Variants in MTMR14 observed in about 807,000 individuals in gnomAD.
MTMR14 encodes the protein myotubularin related protein 14, also known as phosphatidylinositol-3,5-bisphosphate 3-phosphatase MTMR14.
Under a neutral mutation model 86.3 loss-of-function variants are expected in MTMR14, and 48 were observed. The ratio of observed to expected loss-of-function variants is 0.56; its 90% confidence interval spans 0.44 to 0.71. The LOEUF (loss-of-function observed/expected upper bound fraction) is 0.71. MTMR14 is among the 30% of genes least tolerant of loss of function. The pLI, the probability that MTMR14 is intolerant of heterozygous loss-of-function variation, is 0.00. For missense variants in MTMR14, 780 were observed against 834.6 expected, an observed-to-expected ratio of 0.93 and a Z score of 0.81; for synonymous variants, 366 against 326.1, an observed-to-expected ratio of 1.12 and a Z score of -1.32.
In MTMR14 at chr3:9,655,091, T is replaced by G. The variant is rs568555496; in HGVS notation, c.308+1322T>G. Among the ~76,000 whole-genome samples the G allele has an allele frequency of 2.0e-5, 3 of 152,246 alleles. No homozygotes were observed. The East Asian group carries it at 5.8e-4, about 30-fold the overall frequency. ...CCTAAGCACTTACTAAGATTATGGA[T>G]TCTCGGCCTGGCCTAGTGGCTCATG... is the stretch of plus-strand genomic sequence containing the variant. On this transcript the variant is annotated intron_variant, in intron 2 of 18. Transcript: ENST00000296003.
In MTMR14 at chr3:9,697,689, C is replaced by A. The variant is rs746226979; in HGVS notation, c.1614-22C>A. The A allele has an allele frequency of 2.5e-6, 4 of 1,611,188 alleles. No individual in the cohort carries two copies. The East Asian group carries it at 8.9e-5, about 36-fold the overall frequency. ...CATATGACTGACTGCATCCTCTCCC[C>A]TCTCTCTCCTCTCTGCCCCAGATCA... On this transcript the variant is annotated intron_variant, in intron 17 of 18. Coordinates refer to ENST00000296003, the MANE Select transcript of MTMR14 (RefSeq NM_001077525.3).
chr3:9,660,273 T>C lies in MTMR14; in HGVS notation c.309-1994T>C, dbSNP rs201081271. ...TACGGGCACTTTGCTTTTTTTTTTT[T>C]CCCCCAGACGGAGTCTCGCCCTTCG... On this transcript the variant is annotated intron_variant, in intron 2 of 18. Transcript: ENST00000296003. Among the ~76,000 whole-genome samples, 35 of 151,720 alleles carry C rather than the reference T, an allele frequency of 2.3e-4. No individual in the cohort carries two copies. The East Asian group carries it at 3.9e-3, about 17-fold the overall frequency.
At chr3:9,662,083 C>T (rs902849144) in intron 2 of MTMR14, among the ~76,000 whole-genome samples, 184 bp from the exon 3 acceptor site, 10 of 150,932 alleles carry the variant, frequency 6.6e-5, no homozygotes, top group African/African-American at 1.5e-4. Context: ...AGTGAAACTC[C>T]GTCTCAAAAA....
At chr3:9,673,182 A>AC (rs2048667054) in intron 7 of MTMR14, among the ~76,000 whole-genome samples, 1 of 152,180 alleles carries the variant, frequency 6.6e-6, no homozygotes, top group African/African-American at 2.4e-5. Flanking sequence ...AGTGGATGTC[A>AC]CCCTTTGGGT....
chr3:9,678,803 G>A (rs981823582), intron 9 of MTMR14, among the ~76,000 whole-genome samples: 4 of 152,162 alleles, frequency 2.6e-5, no homozygotes, highest in Non-Finnish European at 5.9e-5. Flanking sequence ...CATCCATCAT[G>A]GAATTTTCCA....
At chr3:9,694,663 CTG>C (rs2076232650) in intron 17 of MTMR14, among the ~76,000 whole-genome samples, 1 of 152,204 alleles carries the variant, frequency 6.6e-6, no homozygotes, top group Admixed American at 6.5e-5. Context: ...CCTGTAGGCT[CTG>C]TCATGGCACT....
intron 7 of MTMR14, among the ~76,000 whole-genome samples, chr3:9,674,606 C>T (rs1297227882): frequency 1.3e-5 from 2 of 151,372 alleles, no homozygotes; most frequent in Non-Finnish European, 2.9e-5. Context: ...TGGGAAACAG[C>T]GACACTCTGT....
intron 17 of MTMR14, among the ~76,000 whole-genome samples, 185 bp downstream of exon 17, chr3:9,690,328 A>G (rs2076099750): frequency 6.6e-6 from 1 of 152,190 alleles, no homozygotes; most frequent in African/African-American, 2.4e-5. Flanking sequence ...GAGTGGTTTG[A>G]GACTCCTTCC....
chr3:9,653,665 C>G lies in MTMR14; in HGVS notation c.204C>G (p.Asp68Glu). ...GATGTCTGGAGCTGTTTGGCCGAGA[C>G]TACTGTTTCAGCGTGATTCCAAACA... Reference protein sequence around the residue: ...EKRCLELFGRDYCFSVIPNTN... With the variant: ...EKRCLELFGREYCFSVIPNTN... Residue 68 changes from aspartate (D) to glutamate (E), a missense_variant, in exon 2 of 19, where the codon GAC (aspartate) becomes GAG (glutamate). Asp to Glu is a conservative substitution (Grantham distance 45). Transcript: ENST00000296003. 1 of 1,614,176 alleles carries G rather than the reference C, an allele frequency of 6.2e-7. No individual in the cohort carries two copies. The highest frequency in any genetic ancestry group is 1.1e-5 in the South Asian group (1 of 91,088).
rs2048385112 is a variant in MTMR14 at position 9,668,589 on chromosome 3, G to A, written c.418-130G>A. On this transcript the variant is annotated intron_variant, in intron 3 of 18. Coordinates refer to ENST00000296003, the MANE Select transcript of MTMR14 (RefSeq NM_001077525.3). ...GACTGATTGTGGCAGCCTTGATGCT[G>A]ATAAAACTTTGGGGAGTGCTCCTGG... 3.5e-6 allele frequency: 3 copies of A among 864,012 alleles called. No individual in the cohort carries two copies. The East Asian group carries it at 7.6e-5, about 22-fold the overall frequency. 53.5% of individuals were successfully genotyped at this position (864,012 alleles called of 1,614,324 possible). A position where few individuals can be genotyped will look rare whatever the true frequency, so the allele number is the denominator to read the frequency against.
intron 17 of MTMR14, among the ~76,000 whole-genome samples, chr3:9,694,385 G>A (rs1469064103): frequency 6.6e-6 from 1 of 152,166 alleles, no homozygotes; most frequent in Non-Finnish European, 1.5e-5. Flanking sequence ...GCTCATGTCT[G>A]TAATCCAGCA....
chr3:9,685,335 C>CAAGG, intron 13 of MTMR14, 88 bp downstream of exon 13: 7 of 1,515,494 alleles, frequency 4.6e-6, no homozygotes, highest in Non-Finnish European at 6.4e-6. Context: ...GTGTTAGGGG[C>CAAGG]AGCTCCTTGC....
At chr3:9,657,809 A>G (rs1003360504) in intron 2 of MTMR14, among the ~76,000 whole-genome samples, 13 of 152,092 alleles carry the variant, frequency 8.5e-5, no homozygotes, top group Admixed American at 4.6e-4. Flanking sequence ...TCGGCCTCCC[A>G]AAGTGCTGGG....
chr3:9,653,817 G>A, intron 2 of MTMR14, 48 bp downstream of exon 2: 3 of 1,612,818 alleles, frequency 1.9e-6, no homozygotes, highest in Non-Finnish European at 2.5e-6. Context: ...GTCCGTGGCA[G>A]CTAATCCCTG....
intron 1 of MTMR14, among the ~76,000 whole-genome samples, chr3:9,651,461 T>G (rs1219552337): frequency 6.6e-6 from 1 of 152,160 alleles, no homozygotes; most frequent in African/African-American, 2.4e-5. Context: ...TCTTCCAACT[T>G]ACATGACCCT....
chr3:9,701,982 G>A lies in MTMR14; in HGVS notation c.*9G>A. Reference sequence around the variant, plus strand: ...GCAGCAATGCCTTGTGAAGAAGCCAGCCCATGACATTTTCCTGCTCCTCTC... The same window carrying A: ...GCAGCAATGCCTTGTGAAGAAGCCAACCCATGACATTTTCCTGCTCCTCTC... On this transcript the variant is annotated 3_prime_UTR_variant, in exon 19 of 19. Transcript: ENST00000296003. This position sits in a 1 kb window ranked among gnomAD's most constrained non-coding sequence, Gnocchi z 4.2. The A allele has an allele frequency of 6.2e-7, 1 of 1,614,016 alleles. No individual in the cohort carries two copies. Among genetic ancestry groups the A allele is most frequent in the South Asian group, 1.1e-5 (1 of 91,076 alleles).
chr3:9,652,840 A>G (rs1336292914), intron 1 of MTMR14, among the ~76,000 whole-genome samples: 1 of 151,944 alleles, frequency 6.6e-6, no homozygotes, highest in African/African-American at 2.4e-5. Flanking sequence ...AAATATGAAA[A>G]TTAGCCAAAT....
chr3:9,665,991 T>G (rs1472877588), intron 3 of MTMR14, among the ~76,000 whole-genome samples: 1 of 152,018 alleles, frequency 6.6e-6, no homozygotes, highest in Non-Finnish European at 1.5e-5. Context: ...CCTCCCAAAG[T>G]GCTGGTATTA....
At chr3:9,681,168 T>C (rs892652786) in intron 9 of MTMR14, among the ~76,000 whole-genome samples, 1 of 152,072 alleles carries the variant, frequency 6.6e-6, no homozygotes, top group Non-Finnish European at 1.5e-5. Context: ...TGAGGCTTAC[T>C]GAATGAATGA....
Sources: gnomAD v4.1 joint callset for allele counts (sites outside exome capture counted in the v4.1 genomes callset) on GRCh38, gnomAD v4.1.1 for gene constraint, Gnocchi (gnomAD v3.1) non-coding constraint, MANE v1.5 for transcripts, NCBI Gene and HGNC (gene_info 2026-07-23, HGNC 2026-07-21) for gene names.